Variants in OPN1SW observed in about 807,000 individuals in gnomAD.
OPN1SW encodes the protein opsin 1, short wave sensitive.
In OPN1SW, 25 loss-of-function variants were observed where a neutral mutation model predicts 31.9. The ratio of observed to expected loss-of-function variants is 0.78; its 90% confidence interval spans 0.57 to 1.09. OPN1SW has a LOEUF of 1.09. Ranked by LOEUF, OPN1SW falls within the 50% of genes least tolerant of loss-of-function variation. OPN1SW has a pLI of 0.00. For synonymous variants in OPN1SW, 190 were observed against 171.9 expected, an observed-to-expected ratio of 1.11 and a Z score of -0.82; for missense variants, 424 against 448.0, an observed-to-expected ratio of 0.95 and a Z score of 0.48.
At chr7:128,773,458 A>G (rs905518410) in intron 4 of OPN1SW, among the ~76,000 whole-genome samples, 191 bp downstream of exon 4, 3 of 151,906 alleles carry the variant, frequency 2.0e-5, no homozygotes, top group East Asian at 1.9e-4. Flanking sequence ...CCGGGGTTCT[A>G]TTTTCTCGTC....
intron 4 of OPN1SW, 58 bp from the exon 5 acceptor site, chr7:128,772,717 A>C: frequency 1.2e-6 from 2 of 1,610,420 alleles, no homozygotes; most frequent in South Asian, 2.2e-5. Context: ...ATGGGAAAAA[A>C]GACCTTATTC....
Position 128,775,642 on chromosome 7 carries a change from G to A in OPN1SW, c.140C>T (p.Pro47Leu), listed in dbSNP as rs1393573892. The A allele has an allele frequency of 1.2e-6, 2 of 1,614,142 alleles. No homozygotes were observed. Among genetic ancestry groups the A allele is most frequent in the South Asian group, 1.1e-5 (1 of 91,074 alleles). Residue 47 changes from proline to leucine, a missense_variant, in exon 1 of 5, where the codon CCA becomes CTA. Transcript: ENST00000249389. ...FMGTVFLIGF[P>L]LNAMVLVATL... ...GGCCACCAGCACCATGGCATTGAGT[G>A]GGAACCCTATAAGGAAGACAGTGCC...
In OPN1SW at chr7:128,775,678, G is replaced by T; in HGVS notation, c.104C>A (p.Ala35Glu). The change falls in exon 1 of 5, where the codon GCA becomes GAA. Residue 35 changes from alanine to glutamate, a missense_variant. Coordinates refer to ENST00000249389, the MANE Select transcript of OPN1SW (RefSeq NM_001385125.1). ...AAGGAAGACAGTGCCCATGAAAGCT[G>T]CCTGGAGGTAGAAGGCCCAGACAGG... Reference protein sequence around the residue: ...IAPVWAFYLQAAFMGTVFLIG... With the variant: ...IAPVWAFYLQEAFMGTVFLIG... 1 of 1,614,198 alleles carries T rather than the reference G, an allele frequency of 6.2e-7. No homozygotes were observed. The highest frequency in any genetic ancestry group is 1.1e-5 in the South Asian group (1 of 91,080).
Position 128,775,116 on chromosome 7 carries a change from C to T in OPN1SW, c.382G>A (p.Glu128Lys). 6.2e-7 allele frequency: 1 copy of T among 1,614,170 alleles called. No homozygotes were observed. Among genetic ancestry groups the T allele is most frequent in the Non-Finnish European group, 8.5e-7 (1 of 1,180,038 alleles). ...TGWSLAFLAF[E>K]RYIVICKPFG... ...GGCTTACAGATGACAATGTAGCGCT[C>T]AAAGGCCAGGAAGGCCAGTGACCAT... is the stretch of plus-strand genomic sequence containing the variant. The change falls in exon 2 of 5, where the codon GAG becomes AAG. Residue 128 changes from glutamate (E) to lysine (K), a missense_variant. Transcript: ENST00000249389.
At chr7:128,774,440 C>A (rs1801710435) in intron 3 of OPN1SW, 58 bp downstream of exon 3, 1 of 1,604,104 alleles carries the variant, frequency 6.2e-7, no homozygotes, top group African/African-American at 1.3e-5. Context: ...TCAGAGCACT[C>A]TTCCTTCTCA....
intron 2 of OPN1SW, 101 bp from the exon 3 acceptor site, chr7:128,774,764 C>A: frequency 6.5e-7 from 1 of 1,531,544 alleles, no homozygotes; most frequent in South Asian, 1.1e-5. Flanking sequence ...ACGGAATGCC[C>A]TAAGGCTTCA....
At chr7:128,774,912 A>T in intron 2 of OPN1SW, 74 bp downstream of exon 2, 1 of 1,586,894 alleles carries the variant, frequency 6.3e-7, no homozygotes, top group South Asian at 1.1e-5. Context: ...CTAAATAGTT[A>T]TACCCAAGCT....
chr7:128,775,379 AC>A lies in OPN1SW; in HGVS notation c.343+59del, dbSNP rs1304691896. ...ATTTCCCCCAGACTCCTCTTTAGGA[AC>A]CCCCTCCAGTGGAGTAGCAACCTTT... On this transcript the variant is annotated intron_variant, in intron 1 of 4. Coordinates refer to ENST00000249389, the MANE Select transcript of OPN1SW (RefSeq NM_001385125.1). The A allele has an allele frequency of 3.3e-6, 5 of 1,513,238 alleles. No homozygotes were observed. In the East Asian group the frequency reaches 6.8e-5, roughly 21 times the overall value. 93.7% of individuals were successfully genotyped at this position (1,513,238 alleles called of 1,614,324 possible). A position where few individuals can be genotyped will look rare whatever the true frequency, so the allele number is the denominator to read the frequency against.
At chr7:128,774,722 G>A (rs1193948764) in intron 2 of OPN1SW, 59 bp from the exon 3 acceptor site, 2 of 1,606,642 alleles carry the variant, frequency 1.2e-6, no homozygotes, top group Non-Finnish European at 1.7e-6. Context: ...TGGGAGCTGA[G>A]ATGCCTGGAT....
chr7:128,775,549 A>G lies in OPN1SW; in HGVS notation c.233T>C (p.Phe78Ser). The G allele has an allele frequency of 1.2e-6, 2 of 1,614,064 alleles. No individual in the cohort carries two copies. The highest frequency in any genetic ancestry group is 1.1e-5 in the South Asian group (1 of 91,056). Residue 78 changes from phenylalanine to serine, a missense_variant, in exon 1 of 5, where the codon TTC becomes TCC. Transcript: ENST00000249389. ...YILVNVSFGG[F>S]LLCIFSVFPV... ...GAAGACAGAGAAGATGCAGAGGAGGAAGCCTCCGAAGGACACGTTGACCAG... is the reference window on the plus strand; with the variant it reads ...GAAGACAGAGAAGATGCAGAGGAGGGAGCCTCCGAAGGACACGTTGACCAG...
chr7:128,774,910 T>G, intron 2 of OPN1SW, 76 bp downstream of exon 2: 1 of 1,584,918 alleles, frequency 6.3e-7, no homozygotes, highest in Non-Finnish European at 8.6e-7. Context: ...GACTAAATAG[T>G]TATACCCAAG....
In OPN1SW at chr7:128,775,103, A is replaced by C; in HGVS notation, c.395T>G (p.Val132Gly). ...GAAGTTGCCGAAGGGCTTACAGATG[A>C]CAATGTAGCGCTCAAAGGCCAGGAA... ...LAFLAFERYI[V>G]ICKPFGNFRF... Residue 132 changes from valine to glycine, a missense_variant, in exon 2 of 5, where the codon GTC becomes GGC. Val to Gly is a moderately radical substitution (Grantham distance 109, BLOSUM62 -3). Transcript: ENST00000249389. The C allele has an allele frequency of 1.2e-6, 2 of 1,614,198 alleles. No homozygotes were observed. Among genetic ancestry groups the C allele is most frequent in the Non-Finnish European group, 1.7e-6 (2 of 1,180,038 alleles).
rs1227273706 is a variant in OPN1SW at position 128,773,845 on chromosome 7, T to TA, written c.721_722insT (p.Glu241ValfsTer34). On this transcript the variant is annotated frameshift_variant, in exon 4 of 5. Transcript: ENST00000249389. LOFTEE classifies it high-confidence loss of function. ...AACCACCATGCGGCTCACCTCCCGT[T>TA]CAGCCTTCTGGGTCGTAGCTGACTC... 1 of 1,613,236 alleles carries TA rather than the reference T, an allele frequency of 6.2e-7. No homozygotes were observed.
In OPN1SW at chr7:128,774,989, C is replaced by G. The variant is rs770459023; in HGVS notation, c.509G>C (p.Ser170Thr). ...CACCACTGCCCTGCACTCTCACCGGCTCCAGCCAAAGAAGGGTGGGATGGA... is the reference window on the plus strand; with the variant it reads ...CACCACTGCCCTGCACTCTCACCGGGTCCAGCCAAAGAAGGGTGGGATGGA... ...GVSIPPFFGW[S>T]RFIPEGLQCS... The change falls in exon 2 of 5, where the codon AGC becomes ACC. Residue 170 changes from serine to threonine, a missense_variant. By Grantham distance (58) the Ser-to-Thr change is moderately conservative. Transcript: ENST00000249389. 6.2e-7 allele frequency: 1 copy of G among 1,614,088 alleles called. No individual in the cohort carries two copies. Among genetic ancestry groups the G allele is most frequent in the Middle Eastern group, 1.7e-4 (1 of 6,020 alleles).
At position 128,775,575 on chromosome 7, in the gene OPN1SW, A is replaced by G. The variant is rs1381727732; in HGVS notation, c.207T>C (p.Ile69=). 2 of 1,614,066 alleles carry G rather than the reference A, an allele frequency of 1.2e-6. No homozygotes were observed. The highest frequency in any genetic ancestry group is 3.3e-5 in the Admixed American group (2 of 60,012). The change falls in exon 1 of 5, where the codon ATT becomes ATC. Residue 69 remains isoleucine, a synonymous_variant. Transcript: ENST00000249389. Reference sequence around the variant, plus strand: ...AGCCTCCGAAGGACACGTTGACCAGAATGTAGTTGAGGGGCTGCCGCAACT... The same window carrying G: ...AGCCTCCGAAGGACACGTTGACCAGGATGTAGTTGAGGGGCTGCCGCAACT... The part of the protein sequence containing the change: ...YKKLRQPLNY[I]LVNVSFGGFL...
intron 4 of OPN1SW, 61 bp from the exon 5 acceptor site, chr7:128,772,720 C>T: frequency 1.9e-6 from 3 of 1,608,642 alleles, no homozygotes; most frequent in South Asian, 2.2e-5. Flanking sequence ...GGAAAAAAGA[C>T]CTTATTCTCT....
chr7:128,774,188 A>G (rs1273654449), intron 3 of OPN1SW, among the ~76,000 whole-genome samples: 1 of 151,888 alleles, frequency 6.6e-6, no homozygotes, highest in African/African-American at 2.4e-5. Context: ...GGAACTATTG[A>G]CCTCAGGTGA....
In OPN1SW at chr7:128,775,018, G is replaced by T. The variant is rs1413048027; in HGVS notation, c.480C>A (p.Gly160=). The T allele has an allele frequency of 6.2e-6, 10 of 1,614,076 alleles. No individual in the cohort carries two copies. The highest frequency in any genetic ancestry group is 8.5e-6 in the Non-Finnish European group (10 of 1,180,060). The change falls in exon 2 of 5, where the codon GGC becomes GGA. Residue 160 remains glycine, a synonymous_variant. Coordinates refer to ENST00000249389, the MANE Select transcript of OPN1SW (RefSeq NM_001385125.1). ...AGCCAAAGAAGGGTGGGATGGAGAC[G>T]CCAATACCAATGGTCCAGGTAGCCA... ...VVLATWTIGI[G]VSIPPFFGWS...
chr7:128,774,784 G>A (rs544386526), intron 2 of OPN1SW, 121 bp from the exon 3 acceptor site: 5 of 1,451,418 alleles, frequency 3.4e-6, no homozygotes, highest in Non-Finnish European at 4.7e-6. Context: ...AAGCAGGGGG[G>A]TTTTCTGTCC....
Sources: gnomAD v4.1 joint callset for allele counts (sites outside exome capture counted in the v4.1 genomes callset) on GRCh38, gnomAD v4.1.1 for gene constraint, MANE v1.5 for transcripts, NCBI Gene and HGNC (gene_info 2026-07-23, HGNC 2026-07-21) for gene names.